The following TRDN variants were observed in gnomAD, a reference collection of about 807,000 sequenced individuals.
The protein encoded by TRDN is triadin in skeletal muscle.
TRDN carries 161 observed loss-of-function variants against 149.7 expected under a neutral mutation model. The observed-to-expected ratio is 1.08, with a 90% confidence interval of 0.95 to 1.23. The LOEUF (loss-of-function observed/expected upper bound fraction) is 1.23, where lower values mean the gene tolerates loss of function less well. Among genes scored for constraint, TRDN ranks in the 50% most tolerant of loss-of-function variants. The probability of loss-of-function intolerance (pLI) is 0.00; values close to 1 mark genes in which losing one functional copy is unlikely to be tolerated. For missense variants in TRDN, 896 were observed against 823.5 expected, an observed-to-expected ratio of 1.09 and a Z score of -1.08; for synonymous variants, 294 against 250.5, an observed-to-expected ratio of 1.17 and a Z score of -1.64.
chr6:123,579,948 C>T (rs567756606), intron 1 of TRDN, among the ~76,000 whole-genome samples: 1 of 152,138 alleles, frequency 6.6e-6, no homozygotes, highest in African/African-American at 2.4e-5. Context: ...ATGATTGTAA[C>T]TTTCCTGAGG....
At chr6:123,625,922 G>C (rs9490837) in intron 1 of TRDN, among the ~76,000 whole-genome samples, 67,242 of 151,902 alleles carry the variant, frequency 0.44, 17,500 homozygotes, top group African/African-American at 0.72. Context: ...AATAAGACAA[G>C]AGTGAAGTTG....
chr6:123,435,443 A>T (rs750565818), intron 12 of TRDN, among the ~76,000 whole-genome samples: 24 of 151,930 alleles, frequency 1.6e-4, no homozygotes, highest in Non-Finnish European at 3.2e-4. Flanking sequence ...GAATTATTAA[A>T]CCCTAAAAAG....
At chr6:123,476,933 G>A (rs907403258) in intron 9 of TRDN, among the ~76,000 whole-genome samples, 33 of 148,290 alleles carry the variant, frequency 2.2e-4, no homozygotes, top group African/African-American at 6.5e-4. Flanking sequence ...AGACTTAAAC[G>A]TTAGACCTAA....
intron 12 of TRDN, among the ~76,000 whole-genome samples, chr6:123,436,372 T>C (rs1774562077): frequency 6.6e-6 from 1 of 152,130 alleles, no homozygotes; most frequent in South Asian, 2.1e-4. Flanking sequence ...TAATGGAAAT[T>C]TGGATGCAAA....
At chr6:123,316,427 T>C (rs189479402) in intron 24 of TRDN, 30 bp downstream of exon 24, 2 of 1,601,268 alleles carry the variant, frequency 1.2e-6, no homozygotes, top group African/African-American at 2.7e-5. Flanking sequence ...GAACATCTCC[T>C]TGTATGTAAA....
At chr6:123,516,583 A>G (rs901948169) in intron 5 of TRDN, among the ~76,000 whole-genome samples, 1 of 152,112 alleles carries the variant, frequency 6.6e-6, no homozygotes, top group Non-Finnish European at 1.5e-5. Flanking sequence ...GAAAATATAG[A>G]GACATAATTT....
chr6:123,345,225 C>T (rs146619442), intron 21 of TRDN, among the ~76,000 whole-genome samples: 31 of 151,962 alleles, frequency 2.0e-4, no homozygotes, highest in South Asian at 8.3e-4. Context: ...TTGTGGAGGA[C>T]GTAAAGACTA....
chr6:123,400,040 A>G (rs1458067414), intron 12 of TRDN, among the ~76,000 whole-genome samples: 1 of 151,664 alleles, frequency 6.6e-6, no homozygotes, highest in Non-Finnish European at 1.5e-5. Flanking sequence ...TGCATTCTCC[A>G]TATGAGTGAT....
chr6:123,593,910 G>T (rs1783909345), intron 1 of TRDN, among the ~76,000 whole-genome samples: 1 of 152,126 alleles, frequency 6.6e-6, no homozygotes, highest in Admixed American at 6.6e-5. Flanking sequence ...TACTATTAAT[G>T]AGTTGTGTAA....
chr6:123,583,353 T>G (rs1783235695), intron 1 of TRDN, among the ~76,000 whole-genome samples: 1 of 152,048 alleles, frequency 6.6e-6, no homozygotes, highest in Admixed American at 6.6e-5. Context: ...GACTGGGGCC[T>G]AATAAAAAGG....
chr6:123,350,610 AC>A (rs1303049718), intron 21 of TRDN: 13 of 727,594 alleles, frequency 1.8e-5, no homozygotes, highest in Non-Finnish European at 2.2e-5. Context: ...TTCTCATATT[AC>A]TTTATTAAAA....
intron 8 of TRDN, chr6:123,502,395 G>T: frequency 1.6e-6 from 1 of 619,688 alleles, no homozygotes; most frequent in Non-Finnish European, 2.0e-6. Context: ...GAGCTCCTAA[G>T]TTTTAATATG....
chr6:123,218,473 C>A lies in TRDN; in HGVS notation c.*128G>T. ...ATTTGGCCACCCTTTCCGTCCACAC[C>A]AGGCCAAAGAGCAAAATGTTTTCAC... On this transcript the variant is annotated 3_prime_UTR_variant, in exon 41 of 41. Transcript: ENST00000334268. 8.7e-7 allele frequency: 1 copy of A among 1,151,066 alleles called. No homozygotes were observed. The highest frequency in any genetic ancestry group is 1.6e-5 in the African/African-American group (1 of 64,148). The allele number at this position is 1,151,066 out of a possible 1,614,324, so 71.3% of individuals were successfully genotyped here. A position where few individuals can be genotyped will look rare whatever the true frequency, so the allele number is the denominator to read the frequency against.
intron 12 of TRDN, among the ~76,000 whole-genome samples, chr6:123,409,749 T>C (rs1367667): frequency 0.89 from 135,611 of 151,982 alleles, 60,691 homozygotes; most frequent in East Asian, 0.99. Flanking sequence ...AAACAAATAC[T>C]CAGTATTGTA....
At chr6:123,467,423 C>T (rs1164342959) in intron 9 of TRDN, among the ~76,000 whole-genome samples, 1 of 151,718 alleles carries the variant, frequency 6.6e-6, no homozygotes, top group Non-Finnish European at 1.5e-5. Context: ...ATCAGAAATT[C>T]TGCACAACTA....
intron 23 of TRDN, among the ~76,000 whole-genome samples, chr6:123,331,391 C>G (rs74715043): frequency 6.7e-4 from 102 of 152,160 alleles, no homozygotes; most frequent in African/African-American, 2.4e-3. Context: ...AAGGTCTTGA[C>G]TATTTGGGCT....
chr6:123,552,934 C>T (rs1050723602), intron 2 of TRDN, among the ~76,000 whole-genome samples: 25 of 152,270 alleles, frequency 1.6e-4, no homozygotes, highest in Middle Eastern at 3.4e-3. Context: ...TCTCTGTACT[C>T]CAATTTAGAA....
At chr6:123,417,882 G>C (rs1773721731) in intron 12 of TRDN, among the ~76,000 whole-genome samples, 1 of 152,138 alleles carries the variant, frequency 6.6e-6, no homozygotes, top group South Asian at 2.1e-4. Context: ...TTCCACCTCT[G>C]AGACCAATAA....
intron 22 of TRDN, among the ~76,000 whole-genome samples, chr6:123,332,508 A>G (rs1779698549): frequency 6.6e-6 from 1 of 152,086 alleles, no homozygotes; most frequent in African/African-American, 2.4e-5. Flanking sequence ...ATAAAACTTT[A>G]CTTATTCTAC....
Sources: allele counts gnomAD v4.1 joint callset (sites outside exome capture counted in the v4.1 genomes callset), GRCh38; gene constraint gnomAD v4.1.1; transcripts MANE v1.5; gene names NCBI Gene and HGNC (gene_info 2026-07-23, HGNC 2026-07-21).